Variants in NCKAP1 observed in about 807,000 individuals in gnomAD.
NCKAP1 encodes nck-associated protein 1.
NCKAP1 carries 21 observed loss-of-function variants against 151.2 expected under a neutral mutation model. The ratio of observed to expected loss-of-function variants is 0.14; its 90% CI spans 0.10 to 0.20. NCKAP1 has a LOEUF of 0.20. Among genes scored for constraint, NCKAP1 ranks in the 10% least tolerant of loss-of-function variants. The probability of loss-of-function intolerance (pLI) is 1.00; values close to 1 mark genes in which losing one functional copy is unlikely to be tolerated. For synonymous variants in NCKAP1, 484 were observed against 451.8 expected, an observed-to-expected ratio of 1.07 and a Z score of -0.90; for missense variants, 933 against 1,352.1, an observed-to-expected ratio of 0.69 and a Z score of 4.86.
chr2:182,976,954 G>T lies in NCKAP1; in HGVS notation c.1424-3C>A. 2 of 1,484,918 alleles carry T rather than the reference G, an allele frequency of 1.3e-6. No individual in the cohort carries two copies. Among genetic ancestry groups the T allele is most frequent in the Non-Finnish European group, 1.8e-6 (2 of 1,104,052 alleles). 92.0% of individuals were successfully genotyped at this position (1,484,918 alleles called of 1,614,324 possible). A position where few individuals can be genotyped will look rare whatever the true frequency, so the allele number is the denominator to read the frequency against. ...ATCAAATACTTCCCCATCTTCAACT[G>T]TAGTAATAGAAAAAAAAAAAAGATT... On this transcript the variant is annotated splice_polypyrimidine_tract_variant and splice_region_variant and intron_variant, in intron 14 of 30. Coordinates refer to ENST00000361354, the MANE Select transcript of NCKAP1 (RefSeq NM_013436.5).
chr2:183,034,162 A>C (rs1449388827), intron 1 of NCKAP1, among the ~76,000 whole-genome samples: 1 of 152,128 alleles, frequency 6.6e-6, no homozygotes, highest in Non-Finnish European at 1.5e-5. Flanking sequence ...CTTCACAAAC[A>C]TCTTTTCTTC....
intron 23 of NCKAP1, among the ~76,000 whole-genome samples, chr2:182,947,892 C>T (rs538500999): frequency 2.6e-5 from 4 of 151,966 alleles, no homozygotes; most frequent in Non-Finnish European, 5.9e-5. Context: ...TATAAGAATA[C>T]GTATGAAGTA....
chr2:183,009,475 G>GAAGGAAGCAAGC (rs1485338665), intron 2 of NCKAP1, among the ~76,000 whole-genome samples: 1,605 of 99,854 alleles, frequency 0.016, 25 homozygotes, highest in Middle Eastern at 0.027. Context: ...AGGAAGGAAG[G>GAAGGAAGCAAGC]AAGCAAGCAA....
In NCKAP1 at chr2:182,986,118, C is replaced by CT. The variant is rs553796378; in HGVS notation, c.1004+52dup. The stretch of plus-strand genomic sequence containing the variant: ...CTGTACTCACTTCAACAAAATGATG[C>CT]TTTAAGAATTTTTCTTGATTAAAGC... On this transcript the variant is annotated intron_variant, in intron 10 of 30. Coordinates refer to ENST00000361354, the MANE Select transcript of NCKAP1 (RefSeq NM_013436.5). 2.2e-4 allele frequency: 338 copies of CT among 1,534,328 alleles called. 1 individual carries two copies. In the East Asian group the frequency reaches 6.2e-3, roughly 28 times the overall value.
At position 182,967,283 on chromosome 2, in the gene NCKAP1, A is replaced by C; in HGVS notation, c.1561T>G (p.Phe521Val). Residue 521 changes from phenylalanine to valine, a missense_variant, in exon 16 of 31, where the codon TTT (phenylalanine) becomes GTT (valine). By Grantham distance (50) the Phe-to-Val change is conservative. Around this residue, in one of 2 missense-constraint regions of NCKAP1, gnomAD observed 607 missense variants for 795.0 expected, o/e 0.76. Transcript: ENST00000361354. The part of the protein sequence containing the change: ...ELGKMMNTII[F>V]HTKMVDSLVE... ...AAGGAATCTACCATTTTTGTATGAA[A>C]AATTATTGTATTCATCATCTTTCCA... The C allele has an allele frequency of 6.2e-7, 1 of 1,612,006 alleles. No homozygotes were observed. Among genetic ancestry groups the C allele is most frequent in the Non-Finnish European group, 8.5e-7 (1 of 1,178,786 alleles).
intron 20 of NCKAP1, among the ~76,000 whole-genome samples, chr2:182,955,805 C>T (rs1246857621): frequency 6.6e-6 from 1 of 151,926 alleles, no homozygotes; most frequent in Non-Finnish European, 1.5e-5. Context: ...CCTTTCTTTC[C>T]CTCCCACTTT....
intron 20 of NCKAP1, among the ~76,000 whole-genome samples, chr2:182,954,957 T>C (rs545656032): frequency 1.3e-5 from 2 of 152,082 alleles, no homozygotes; most frequent in Non-Finnish European, 1.5e-5. Context: ...AGCTGTACAC[T>C]GAACTCTCCC....
intron 23 of NCKAP1, among the ~76,000 whole-genome samples, chr2:182,948,146 A>C (rs1038663417): frequency 8.5e-5 from 13 of 152,248 alleles, no homozygotes; most frequent in African/African-American, 3.1e-4. Context: ...GCCTTCTGAA[A>C]AACATAATCC....
rs142080613 is a variant in NCKAP1 at position 183,016,943 on chromosome 2, T to G, written c.219+6863A>C. On this transcript the variant is annotated intron_variant, in intron 2 of 30. Coordinates refer to ENST00000361354, the MANE Select transcript of NCKAP1 (RefSeq NM_013436.5). ...TATAGTGGGGAACCCGGACAAGTCG[T>G]AAATGACCAGTTTGATATTTTTTAC... 1.0e-3 allele frequency among the ~76,000 whole-genome samples: 156 copies of G among 152,284 alleles called. 2 individuals are homozygous for G. In the East Asian group the frequency reaches 0.027, roughly 26 times the overall value.
chr2:182,972,224 C>CAAAAAAAAAAAA (rs56834438), intron 15 of NCKAP1, among the ~76,000 whole-genome samples: 4 of 67,706 alleles, frequency 5.9e-5, no homozygotes, highest in Non-Finnish European at 8.1e-5. Context: ...AGCTTAATAG[C>CAAAAAAAAAAAA]AAAAAAAAAA....
At chr2:182,956,392 A>T in intron 20 of NCKAP1, 70 bp downstream of exon 20, 1 of 1,526,018 alleles carries the variant, frequency 6.6e-7, no homozygotes, top group Admixed American at 1.9e-5. Flanking sequence ...TTCCTTATAA[A>T]ACACTGTATA....
rs146088050 is a variant in NCKAP1 at position 182,974,859 on chromosome 2, T to TA, written c.1482+2033dup. Reference sequence around the variant, plus strand: ...AGATAGCTAGCTAATAATGCTCTTATAAAAATCTTAAAAAACTTTAAAAAT... The same window carrying TA: ...AGATAGCTAGCTAATAATGCTCTTATAAAAAATCTTAAAAAACTTTAAAAAT... On this transcript the variant is annotated intron_variant, in intron 15 of 30. Coordinates refer to ENST00000361354, the MANE Select transcript of NCKAP1 (RefSeq NM_013436.5). Among the ~76,000 whole-genome samples, 1,114 of 152,234 alleles carry TA rather than the reference T, an allele frequency of 7.3e-3. 16 individuals are homozygous for TA. Among genetic ancestry groups the TA allele is most frequent in the African/African-American group, 0.025 (1,049 of 41,532 alleles).
At chr2:182,980,776 T>C (rs1217364353) in intron 13 of NCKAP1, among the ~76,000 whole-genome samples, 2 of 152,180 alleles carry the variant, frequency 1.3e-5, no homozygotes, top group East Asian at 3.8e-4. Context: ...CTATCATCTC[T>C]TCTGAATCTC....
At chr2:182,970,329 C>CATCAT (rs1697661250) in intron 15 of NCKAP1, among the ~76,000 whole-genome samples, 1 of 152,142 alleles carries the variant, frequency 6.6e-6, no homozygotes, top group South Asian at 2.1e-4. Flanking sequence ...AACTACAGGC[C>CATCAT]ATCATCACTT....
At chr2:182,942,244 C>A in intron 23 of NCKAP1, 81 bp from the exon 24 acceptor site, 2 of 1,051,846 alleles carry the variant, frequency 1.9e-6, no homozygotes, top group South Asian at 1.6e-5. Flanking sequence ...AAATTACAAT[C>A]TGGCAAGTAG....
At chr2:183,032,387 C>T (rs1699020781) in intron 1 of NCKAP1, among the ~76,000 whole-genome samples, 1 of 152,148 alleles carries the variant, frequency 6.6e-6, no homozygotes, top group African/African-American at 2.4e-5. Flanking sequence ...TTAATGTCAT[C>T]AGATGATTTC....
In NCKAP1 at chr2:182,919,138, C is replaced by T. The variant is rs1434531279; in HGVS notation, c.*6564G>A. On this transcript the variant is annotated 3_prime_UTR_variant, in exon 31 of 31. Coordinates refer to ENST00000361354, the MANE Select transcript of NCKAP1 (RefSeq NM_013436.5). ...TGGTACACAATGGGCTTTCAATAAACATTAGCTCTCATTATTATTCTAGTC... is the reference window on the plus strand; with the variant it reads ...TGGTACACAATGGGCTTTCAATAAATATTAGCTCTCATTATTATTCTAGTC... 1 of 152,186 alleles carries T rather than the reference C, an allele frequency of 6.6e-6. No homozygotes were observed. Among genetic ancestry groups the T allele is most frequent in the Non-Finnish European group, 1.5e-5 (1 of 68,034 alleles). 9.4% of individuals were successfully genotyped at this position (152,186 alleles called of 1,614,324 possible).
intron 3 of NCKAP1, 89 bp downstream of exon 3, chr2:183,003,136 CAATTTTAT>C (rs1359973021): frequency 9.3e-6 from 12 of 1,293,034 alleles, no homozygotes; most frequent in African/African-American, 3.0e-5. Flanking sequence ...GGAAGAATTT[CAATTTTAT>C]TATTTACAAC....
intron 6 of NCKAP1, among the ~76,000 whole-genome samples, chr2:182,998,833 A>AC (rs527438038): frequency 1.9e-5 from 2 of 103,552 alleles, no homozygotes; most frequent in African/African-American, 7.1e-5. Flanking sequence ...TAAGACTCCA[A>AC]CAAAAAAAAA....
Sources: allele counts gnomAD v4.1 joint callset (sites outside exome capture counted in the v4.1 genomes callset), GRCh38; gene constraint gnomAD v4.1.1; regional missense constraint gnomAD v4.1.1; transcripts MANE v1.5; gene names NCBI Gene and HGNC (gene_info 2026-07-23, HGNC 2026-07-21).